Variants in CDH12 observed in about 807,000 individuals in gnomAD.
CDH12 encodes the protein cadherin 12.
A neutral mutation model predicts 74.1 loss-of-function variants in CDH12; 41 were observed. The ratio of observed to expected loss-of-function variants is 0.55; its 90% CI spans 0.43 to 0.72. The LOEUF (loss-of-function observed/expected upper bound fraction) is 0.72. Among genes scored for constraint, CDH12 ranks in the 30% least tolerant of loss-of-function variants. The probability of loss-of-function intolerance (pLI) is 0.00; values close to 1 mark genes in which losing one functional copy is unlikely to be tolerated. For missense variants in CDH12, 945 were observed against 977.2 expected, an observed-to-expected ratio of 0.97 and a Z score of 0.44; for synonymous variants, 399 against 355.0, an observed-to-expected ratio of 1.12 and a Z score of -1.39.
At position 22,200,583 on chromosome 5, in the gene CDH12, A is replaced by G. The variant is rs1265175313; in HGVS notation, c.-187+11915T>C. ...AAGGTGGATATGATGTTGGAAATGC[A>G]TTAAACAGATTTCAGTGGTTACTAC... On this transcript the variant is annotated intron_variant, in intron 4 of 14. Transcript: ENST00000382254. Among the ~76,000 whole-genome samples the G allele has an allele frequency of 7.2e-5, 11 of 152,202 alleles. No individual in the cohort carries two copies. The East Asian group carries it at 2.1e-3, about 29-fold the overall frequency.
chr5:22,610,627 T>G (rs1018902342), intron 1 of CDH12, among the ~76,000 whole-genome samples: 2 of 152,074 alleles, frequency 1.3e-5, no homozygotes, highest in Admixed American at 1.3e-4. Context: ...ATAAAATCTC[T>G]CTCATTTTTA....
At chr5:22,452,271 T>C (rs1275738980) in intron 2 of CDH12, among the ~76,000 whole-genome samples, 5 of 151,784 alleles carry the variant, frequency 3.3e-5, no homozygotes, top group Admixed American at 6.6e-5. Flanking sequence ...AAAACAACCT[T>C]GAGAAAAAAG....
intron 5 of CDH12, among the ~76,000 whole-genome samples, chr5:21,983,212 T>C (rs1757383308): frequency 6.6e-6 from 1 of 152,144 alleles, no homozygotes; most frequent in African/African-American, 2.4e-5. Flanking sequence ...ACCTTTATTT[T>C]ACCCTCATAT....
intron 2 of CDH12, among the ~76,000 whole-genome samples, chr5:22,429,656 T>C (rs1391221239): frequency 6.6e-6 from 1 of 152,188 alleles, no homozygotes; most frequent in Non-Finnish European, 1.5e-5. Context: ...AAACTAAACA[T>C]GAATTTATTA....
intron 2 of CDH12, among the ~76,000 whole-genome samples, chr5:22,463,265 AT>A (rs34646300): frequency 0.43 from 65,045 of 151,944 alleles, 14,392 homozygotes; most frequent in Admixed American, 0.61. Context: ...TCTGAATAGG[AT>A]TTTTTTGACA....
chr5:22,252,591 C>T (rs1427535060), intron 3 of CDH12, among the ~76,000 whole-genome samples: 2 of 152,112 alleles, frequency 1.3e-5, no homozygotes, highest in Middle Eastern at 6.8e-3. Flanking sequence ...TCCAAATCAC[C>T]AAAGCTTTAA....
intron 6 of CDH12, among the ~76,000 whole-genome samples, chr5:21,913,533 C>T (rs1425728698): frequency 1.3e-5 from 2 of 152,050 alleles, no homozygotes; most frequent in African/African-American, 4.8e-5. Flanking sequence ...ATGTTTTGTG[C>T]AGAATCAAAA....
chr5:22,673,780 T>A (rs1009605368), intron 1 of CDH12, among the ~76,000 whole-genome samples: 11 of 152,154 alleles, frequency 7.2e-5, no homozygotes, highest in Non-Finnish European at 1.0e-4. Context: ...ATTTTAAAGA[T>A]TAATGGTAAT....
chr5:21,907,023 G>A (rs1336815843), intron 6 of CDH12, among the ~76,000 whole-genome samples: 1 of 152,110 alleles, frequency 6.6e-6, no homozygotes, highest in Non-Finnish European at 1.5e-5. Context: ...AAGCAGCAGC[G>A]ACTGCGCTAA....
At chr5:22,767,768 A>G (rs1282823785) in intron 1 of CDH12, among the ~76,000 whole-genome samples, 1 of 152,002 alleles carries the variant, frequency 6.6e-6, no homozygotes, top group African/African-American at 2.4e-5. Flanking sequence ...AAGCAGGGCA[A>G]TGATAATCAA....
chr5:21,793,683 A>T (rs1406661916), intron 10 of CDH12, among the ~76,000 whole-genome samples: 1 of 151,598 alleles, frequency 6.6e-6, no homozygotes, highest in African/African-American at 2.4e-5. Flanking sequence ...CATATTTGAA[A>T]GAAAGGTTTT....
intron 1 of CDH12, among the ~76,000 whole-genome samples, chr5:22,614,207 A>G (rs1311822297): frequency 3.3e-5 from 5 of 152,120 alleles, no homozygotes; most frequent in Admixed American, 3.3e-4. Context: ...CCAAGCTCTC[A>G]TTTGGACTTG....
At chr5:22,187,565 T>C (rs1750028910) in intron 4 of CDH12, among the ~76,000 whole-genome samples, 1 of 149,410 alleles carries the variant, frequency 6.7e-6, no homozygotes, top group Non-Finnish European at 1.5e-5. Context: ...TGACCACGAA[T>C]GCATTAACCT....
rs57971427 is a variant in CDH12, at chr5:22,426,194, GAA to G, written c.-427-20845_-427-20844del. ...CAGGGAGAATCCATCTCAAAAAAAA[GAA>G]AAAAAAAAAAAAAAGGATACATAAA... On this transcript the variant is annotated intron_variant, in intron 2 of 14. Transcript: ENST00000382254. Among the ~76,000 whole-genome samples the G allele has an allele frequency of 3.3e-3, 425 of 128,998 alleles. 1 individual carries two copies. Among genetic ancestry groups the G allele is most frequent in the Non-Finnish European group, 4.0e-3 (242 of 60,596 alleles). 84.6% of individuals were successfully genotyped at this position (128,998 alleles called of 152,430 possible).
chr5:22,712,748 G>C (rs269037), intron 1 of CDH12, among the ~76,000 whole-genome samples: 45,235 of 151,894 alleles, frequency 0.3, 6,926 homozygotes, highest in South Asian at 0.34. Flanking sequence ...TATGTTATTT[G>C]CTAAATGTCA....
intron 5 of CDH12, among the ~76,000 whole-genome samples, chr5:22,033,950 A>G (rs1325506691): frequency 6.6e-6 from 1 of 152,178 alleles, no homozygotes; most frequent in Non-Finnish European, 1.5e-5. Context: ...AACTCCATGA[A>G]TGTAATGAGT....
chr5:22,799,835 C>T lies in CDH12; in HGVS notation c.-523+53223G>A, dbSNP rs568942574. ...TACAACCTACAAAACAACACACAAA[C>T]ATATTAATAAGCATAATTTTTGCTC... On this transcript the variant is annotated intron_variant, in intron 1 of 14. Coordinates refer to ENST00000382254, the MANE Select transcript of CDH12 (RefSeq NM_004061.5). Among the ~76,000 whole-genome samples the T allele has an allele frequency of 2.0e-5, 3 of 152,200 alleles. No individual in the cohort carries two copies. In the South Asian group the frequency reaches 6.2e-4, roughly 32 times the overall value.
chr5:21,941,708 A>G (rs1332419518), intron 6 of CDH12, among the ~76,000 whole-genome samples: 2 of 152,172 alleles, frequency 1.3e-5, no homozygotes, highest in Non-Finnish European at 2.9e-5. Flanking sequence ...GTGACAAATC[A>G]TACAACGGAA....
chr5:22,493,629 C>G (rs990509644), intron 2 of CDH12, among the ~76,000 whole-genome samples: 2 of 150,984 alleles, frequency 1.3e-5, no homozygotes, highest in Non-Finnish European at 2.9e-5. Context: ...TTGAGATGAT[C>G]TGAAAGTTGG....
Sources: allele counts gnomAD v4.1 joint callset (sites outside exome capture counted in the v4.1 genomes callset), GRCh38; gene constraint gnomAD v4.1.1; transcripts MANE v1.5; gene names NCBI Gene and HGNC (gene_info 2026-07-23, HGNC 2026-07-21).